The following NCOR1 variants were observed in gnomAD, a reference collection of about 807,000 sequenced individuals.
The protein encoded by NCOR1 is nuclear receptor corepressor 1.
NCOR1 carries 63 observed loss-of-function variants against 288.1 expected under a neutral mutation model. The observed-to-expected ratio is 0.22, with a 90% CI of 0.18 to 0.27. The LOEUF is 0.27. Among genes scored for constraint, NCOR1 ranks in the 10% least tolerant of loss-of-function variants. NCOR1 has a pLI of 1.00. For missense variants in NCOR1, 2,397 were observed against 3,019.2 expected (o/e 0.79, Z 4.83); for synonymous variants, 1,007 against 1,065.9 (o/e 0.94, Z 1.08).
At chr17:16,204,441 A>T (rs1267086258) in intron 1 of NCOR1, among the ~76,000 whole-genome samples, 2 of 152,212 alleles carry the variant, frequency 1.3e-5, no homozygotes. Context: ...CCTTTGTTTT[A>T]AAAATACAAA....
At chr17:16,040,568 C>A in intron 42 of NCOR1, 74 bp from the exon 43 acceptor site, 1 of 1,234,694 alleles carries the variant, frequency 8.1e-7, no homozygotes, top group Non-Finnish European at 1.2e-6. Context: ...TCAAAAAATT[C>A]CTATAATAAA....
chr17:16,057,488 T>C, intron 40 of NCOR1, 26 bp downstream of exon 40: 5 of 1,596,112 alleles, frequency 3.1e-6, no homozygotes, highest in Non-Finnish European at 4.3e-6. Context: ...GGGCAATTTA[T>C]ATATAATTTG....
chr17:16,068,863 G>A (rs867605205), intron 31 of NCOR1, among the ~76,000 whole-genome samples: 1 of 151,826 alleles, frequency 6.6e-6, no homozygotes, highest in Non-Finnish European at 1.5e-5. Flanking sequence ...ACAGGAGCGC[G>A]CCACCATGCA....
intron 21 of NCOR1, among the ~76,000 whole-genome samples, chr17:16,097,020 A>C (rs2066751059): frequency 6.6e-6 from 1 of 152,270 alleles, no homozygotes; most frequent in African/African-American, 2.4e-5. Flanking sequence ...TAAGCCTATC[A>C]CAAAATGACA....
chr17:16,127,537 GCATGTATATATACA>G (rs2074708183), intron 14 of NCOR1, among the ~76,000 whole-genome samples: 1 of 138,428 alleles, frequency 7.2e-6, no homozygotes, highest in African/African-American at 3.0e-5. Flanking sequence ...GTATATATCT[GCATGTATATATACA>G]CATGTGTATA....
chr17:16,176,676 T>C (rs996677487), intron 3 of NCOR1, among the ~76,000 whole-genome samples: 12 of 152,074 alleles, frequency 7.9e-5, no homozygotes. Context: ...AATATCAATT[T>C]CTTTTACTCA....
chr17:16,058,286 T>C (rs1210511228), intron 38 of NCOR1, 185 bp downstream of exon 38: 3 of 916,898 alleles, frequency 3.3e-6, no homozygotes, highest in Non-Finnish European at 4.7e-6. Context: ...AAAATTAATA[T>C]AAACAATTTT....
At position 16,185,826 on chromosome 17, in the gene NCOR1, G is replaced by C. The variant is rs79363657; in HGVS notation, c.242+728C>G. ...ACAAAAAATACAAAAAATTAGCCAGGACTGGGAGACTAAGGTGGGAGAATC... is the reference window on the plus strand; with the variant it reads ...ACAAAAAATACAAAAAATTAGCCAGCACTGGGAGACTAAGGTGGGAGAATC... On this transcript the variant is annotated intron_variant, in intron 3 of 45. Coordinates refer to ENST00000268712, the MANE Select transcript of NCOR1 (RefSeq NM_006311.4). Among the ~76,000 whole-genome samples, 540 of 149,774 alleles carry C rather than the reference G, an allele frequency of 3.6e-3. 3 individuals carry two copies. The highest frequency in any genetic ancestry group is 6.0e-3 in the Non-Finnish European group (405 of 67,558).
chr17:16,096,352 G>C (rs992060854), intron 21 of NCOR1, among the ~76,000 whole-genome samples: 3 of 152,004 alleles, frequency 2.0e-5, no homozygotes, highest in African/African-American at 7.2e-5. Flanking sequence ...TTGGAATTCA[G>C]TATCAAAAAT....
intron 31 of NCOR1, among the ~76,000 whole-genome samples, chr17:16,068,994 T>C (rs56375441): frequency 0.073 from 11,109 of 152,158 alleles, 658 homozygotes; most frequent in African/African-American, 0.17. Flanking sequence ...GGATTATGGG[T>C]ATGAGCTGCT....
At chr17:16,178,242 G>A (rs2084637688) in intron 3 of NCOR1, among the ~76,000 whole-genome samples, 1 of 151,588 alleles carries the variant, frequency 6.6e-6, no homozygotes, top group Non-Finnish European at 1.5e-5. Flanking sequence ...GCTCATGCCT[G>A]TAATCCCAGC....
chr17:16,212,795 G>T (rs2092255838), intron 1 of NCOR1, among the ~76,000 whole-genome samples: 1 of 152,006 alleles, frequency 6.6e-6, no homozygotes, highest in African/African-American at 2.4e-5. Context: ...TTTAAGGCCG[G>T]GTGCAGTGGC....
chr17:16,039,934 G>A, intron 43 of NCOR1: 2 of 414,500 alleles, frequency 4.8e-6, no homozygotes, highest in Non-Finnish European at 9.0e-6. Context: ...GGGACTACAG[G>A]CACCCACCAC....
chr17:16,040,549 A>C, intron 42 of NCOR1, 55 bp from the exon 43 acceptor site: 1 of 1,454,046 alleles, frequency 6.9e-7, no homozygotes, highest in Non-Finnish European at 9.5e-7. Context: ...TATATACCAA[A>C]CTAAAGTCTC....
rs756502468 is a variant in NCOR1 at position 16,172,003 on chromosome 17, A to G, written c.243-8T>C. On this transcript the variant is annotated splice_region_variant and splice_polypyrimidine_tract_variant and intron_variant, in intron 3 of 45. Transcript: ENST00000268712. ...GTTCTCCTTTCTTGAGGCCTAATAC[A>G]TACAAAGAAAATAAACACTTGAAAA... 4 of 1,521,788 alleles carry G rather than the reference A, an allele frequency of 2.6e-6. No individual in the cohort carries two copies. The Admixed American group carries it at 6.7e-5, about 25-fold the overall frequency. The allele number at this position is 1,521,788 out of a possible 1,614,324, so 94.3% of individuals were successfully genotyped here. A position where few individuals can be genotyped will look rare whatever the true frequency, so the allele number is the denominator to read the frequency against.
At chr17:16,139,238 G>A in intron 11 of NCOR1, 52 bp from the exon 12 acceptor site, 2 of 1,488,342 alleles carry the variant, frequency 1.3e-6, no homozygotes, top group Non-Finnish European at 1.8e-6. Flanking sequence ...AGAAATTTAA[G>A]GAGGGCCATG....
At chr17:16,174,866 C>T (rs2083803657) in intron 3 of NCOR1, among the ~76,000 whole-genome samples, 1 of 152,118 alleles carries the variant, frequency 6.6e-6, no homozygotes, top group African/African-American at 2.4e-5. Context: ...AGAGTTACCA[C>T]ATGACCCAGC....
chr17:16,091,886 T>C lies in NCOR1; in HGVS notation c.2993A>G (p.Lys998Arg), dbSNP rs769066174. Residue 998 changes from lysine to arginine, a missense_variant, in exon 22 of 46, where the codon AAG (lysine) becomes AGG (arginine). By Grantham distance (26) the Lys-to-Arg change is conservative. Transcript: ENST00000268712. ...RSSTSPCGTS[K>R]SPNREWEVLQ... ...ACCTTCCCACTCTCTGTTTGGACTCTTGGATGTGCCACATGGACTTGTAGA... is the reference window on the plus strand; with the variant it reads ...ACCTTCCCACTCTCTGTTTGGACTCCTGGATGTGCCACATGGACTTGTAGA... 1 of 1,614,210 alleles carries C rather than the reference T, an allele frequency of 6.2e-7. No individual in the cohort carries two copies. The highest frequency in any genetic ancestry group is 1.7e-5 in the Admixed American group (1 of 60,034).
In NCOR1 at chr17:16,031,021, T is replaced by C. The variant is rs1313866637; in HGVS notation, c.*1275A>G. 1.0e-5 allele frequency: 2 copies of C among 195,922 alleles called. No individual in the cohort carries two copies. The highest frequency in any genetic ancestry group is 2.1e-5 in the Non-Finnish European group (2 of 94,288). 12.1% of individuals were successfully genotyped at this position (195,922 alleles called of 1,614,324 possible). A position where few individuals can be genotyped will look rare whatever the true frequency, so the allele number is the denominator to read the frequency against. The stretch of plus-strand genomic sequence containing the variant: ...ATAGAAAGATACTTAAATGCTATGA[T>C]AAATTGTATGAAAAAAACTTTAAAA... On this transcript the variant is annotated 3_prime_UTR_variant, in exon 46 of 46. Coordinates refer to ENST00000268712, the MANE Select transcript of NCOR1 (RefSeq NM_006311.4).
Sources: allele counts gnomAD v4.1 joint callset (sites outside exome capture counted in the v4.1 genomes callset), GRCh38; gene constraint gnomAD v4.1.1; transcripts MANE v1.5; gene names NCBI Gene and HGNC (gene_info 2026-07-23, HGNC 2026-07-21).